RPRD2: variants seen among roughly 807,000 people sequenced by gnomAD.
RPRD2 encodes the protein regulation of nuclear pre-mRNA domain-containing protein 2.
A neutral mutation model predicts 104.4 loss-of-function variants in RPRD2; 12 were observed. The ratio of observed to expected loss-of-function variants is 0.11; its 90% CI spans 0.07 to 0.19. The LOEUF (loss-of-function observed/expected upper bound fraction) is 0.19, where lower values mean the gene tolerates loss of function less well. RPRD2 is among the 10% of genes least tolerant of loss of function. The probability of loss-of-function intolerance (pLI) is 1.00; values close to 1 mark genes in which losing one functional copy is unlikely to be tolerated. For synonymous variants in RPRD2, 714 were observed against 684.9 expected, an observed-to-expected ratio of 1.04 and a Z score of -0.66; for missense variants, 1,543 against 1,790.1, an observed-to-expected ratio of 0.86 and a Z score of 2.49.
intron 2 of RPRD2, among the ~76,000 whole-genome samples, chr1:150,428,411 C>G (rs1224009439): frequency 6.9e-6 from 1 of 144,076 alleles, no homozygotes; most frequent in Non-Finnish European, 1.5e-5. Flanking sequence ...CGAGATTGCA[C>G]GCCACTGCAC....
chr1:150,400,579 A>G (rs1553885125), intron 1 of RPRD2, among the ~76,000 whole-genome samples: 1 of 152,074 alleles, frequency 6.6e-6, no homozygotes, highest in Non-Finnish European at 1.5e-5. Flanking sequence ...ATCTGACAGG[A>G]TTTGGGGCTC....
At chr1:150,391,939 A>G (rs587684306) in intron 1 of RPRD2, among the ~76,000 whole-genome samples, 3 of 151,814 alleles carry the variant, frequency 2.0e-5, no homozygotes, top group Admixed American at 6.6e-5. Flanking sequence ...GGACAAAACT[A>G]TCTCTGTTCG....
chr1:150,413,984 T>C (rs1553888128), intron 1 of RPRD2, among the ~76,000 whole-genome samples: 1 of 151,938 alleles, frequency 6.6e-6, no homozygotes, highest in African/African-American at 2.4e-5. Flanking sequence ...TCCCAGCTAT[T>C]TGGGAGGCTG....
At chr1:150,404,445 C>T (rs1261546358) in intron 1 of RPRD2, among the ~76,000 whole-genome samples, 1 of 151,964 alleles carries the variant, frequency 6.6e-6, no homozygotes, top group African/African-American at 2.4e-5. Context: ...AGGGTTTCAC[C>T]AAGTTGCCCA....
In RPRD2 at chr1:150,473,430, G is replaced by T; in HGVS notation, c.*96G>T. On this transcript the variant is annotated 3_prime_UTR_variant, in exon 11 of 11. Coordinates refer to ENST00000369068, the MANE Select transcript of RPRD2 (RefSeq NM_015203.5). ...TGTTTTTATTTGTTTTCTCTTTCTC[G>T]ATTTTTTTTTTATTATAACAAAGGG... 7.8e-7 allele frequency: 1 copy of T among 1,288,784 alleles called. No individual in the cohort carries two copies. The highest frequency in any genetic ancestry group is 1.1e-6 in the Non-Finnish European group (1 of 951,274). The allele number at this position is 1,288,784 out of a possible 1,614,324, so 79.8% of individuals were successfully genotyped here.
At chr1:150,410,929 T>G (rs975144347) in intron 1 of RPRD2, among the ~76,000 whole-genome samples, 23 of 152,194 alleles carry the variant, frequency 1.5e-4, no homozygotes, top group Admixed American at 1.4e-3. Flanking sequence ...GTGGGGCGAT[T>G]GTGGCTCATT....
intron 1 of RPRD2, among the ~76,000 whole-genome samples, chr1:150,371,616 G>A (rs868946371): frequency 8.5e-5 from 13 of 152,214 alleles, no homozygotes; most frequent in South Asian, 8.3e-4. Flanking sequence ...TGATCCGCCC[G>A]TCTTGGCCTC....
chr1:150,383,304 A>AG (rs60770273), intron 1 of RPRD2, among the ~76,000 whole-genome samples: 3,964 of 119,246 alleles, frequency 0.033, 164 homozygotes, highest in African/African-American at 0.089. Flanking sequence ...CTCAAATAAG[A>AG]GGTTTTTTTT....
chr1:150,377,597 CAA>C (rs1178580863), intron 1 of RPRD2, among the ~76,000 whole-genome samples: 10 of 96,896 alleles, frequency 1.0e-4, no homozygotes, highest in Non-Finnish European at 4.3e-5. Flanking sequence ...GACTGCGTCT[CAA>C]AAAAAAAAAA....
Position 150,472,528 on chromosome 1 carries a change from C to G in RPRD2, c.3580C>G (p.Leu1194Val). 1 of 1,613,990 alleles carries G rather than the reference C, an allele frequency of 6.2e-7. No individual in the cohort carries two copies. The highest frequency in any genetic ancestry group is 8.5e-7 in the Non-Finnish European group (1 of 1,179,888). ...NSFNSTFEHH[L>V]PPSPLEHGTP... ...TTTCAACTCAACATTTGAGCATCAT[C>G]TTCCCCCATCCCCCTTGGAACATGG... Residue 1194 changes from leucine to valine, a missense_variant, in exon 11 of 11, where the codon CTT (leucine) becomes GTT (valine). Physicochemically the swap from Leu to Val is conservative, Grantham distance 32. This residue lies in a region of RPRD2 where 880 missense variants were observed against 885.6 expected (regional missense o/e 0.99). Coordinates refer to ENST00000369068, the MANE Select transcript of RPRD2 (RefSeq NM_015203.5).
chr1:150,421,446 G>A (rs1175990037), intron 2 of RPRD2, among the ~76,000 whole-genome samples: 2 of 152,058 alleles, frequency 1.3e-5, no homozygotes, highest in African/African-American at 2.4e-5. Context: ...TTCCTAATAT[G>A]TTATTTATAC....
chr1:150,444,481 A>G, intron 6 of RPRD2, 104 bp downstream of exon 6: 1 of 1,176,628 alleles, frequency 8.5e-7, no homozygotes. Context: ...TTGGGTAGAA[A>G]GCAGTTGTGG....
At chr1:150,370,169 C>T (rs1464099819) in intron 1 of RPRD2, among the ~76,000 whole-genome samples, 6 of 152,168 alleles carry the variant, frequency 3.9e-5, no homozygotes, top group Middle Eastern at 3.4e-3. Flanking sequence ...GCCTTGGTCT[C>T]CCAAAGTGGT....
At chr1:150,462,218 G>A (rs1667981704) in intron 9 of RPRD2, among the ~76,000 whole-genome samples, 1 of 150,990 alleles carries the variant, frequency 6.6e-6, no homozygotes, top group Non-Finnish European at 1.5e-5. Flanking sequence ...GGAGGCGGGG[G>A]TTGCAGTGAG....
chr1:150,420,906 AT>A, intron 2 of RPRD2, among the ~76,000 whole-genome samples: 1 of 152,354 alleles, frequency 6.6e-6, no homozygotes, highest in Non-Finnish European at 1.5e-5. Context: ...AGGTAATATA[AT>A]TATCTACATC....
chr1:150,431,080 A>G (rs587729978), intron 2 of RPRD2, among the ~76,000 whole-genome samples: 18 of 152,344 alleles, frequency 1.2e-4, no homozygotes, highest in African/African-American at 4.3e-4. Flanking sequence ...CAGTTTTAAA[A>G]GCATCCAGAG....
intron 1 of RPRD2, among the ~76,000 whole-genome samples, chr1:150,369,752 C>T (rs1457571853): frequency 1.4e-5 from 2 of 147,296 alleles, no homozygotes; most frequent in Non-Finnish European, 3.0e-5. Context: ...CCACTGTGCC[C>T]GGCCTACACC....
chr1:150,456,401 T>C (rs1163042014), intron 7 of RPRD2, among the ~76,000 whole-genome samples: 1 of 152,178 alleles, frequency 6.6e-6, no homozygotes, highest in African/African-American at 2.4e-5. Flanking sequence ...AACTACTGCA[T>C]GCTTGACAGA....
intron 8 of RPRD2, among the ~76,000 whole-genome samples, chr1:150,458,944 T>C (rs1314341023): frequency 6.6e-6 from 1 of 152,148 alleles, no homozygotes. Flanking sequence ...TGCCCGGCCC[T>C]GATTCTTTTT....
Sources: gnomAD v4.1 joint callset for allele counts (sites outside exome capture counted in the v4.1 genomes callset) on GRCh38, gnomAD v4.1.1 for gene constraint, gnomAD v4.1.1 regional missense constraint, MANE v1.5 for transcripts, NCBI Gene and HGNC (gene_info 2026-07-23, HGNC 2026-07-21) for gene names.